Variants in MRPS18A observed in about 807,000 individuals in gnomAD.
MRPS18A encodes large ribosomal subunit protein mL66.
Under a neutral mutation model 22.7 loss-of-function variants are expected in MRPS18A, and 20 were observed. The observed-to-expected ratio is 0.88, with a 90% CI of 0.62 to 1.28. MRPS18A has a LOEUF of 1.28. Ranked by LOEUF, MRPS18A falls within the 50% of genes most tolerant of loss-of-function variation. The pLI is 0.00. For synonymous variants in MRPS18A, 106 were observed against 99.1 expected (o/e 1.07, Z -0.41); for missense variants, 294 against 262.6 (o/e 1.12, Z -0.83).
chr6:43,679,173 C>A (rs148359388), intron 2 of MRPS18A, among the ~76,000 whole-genome samples: 2 of 152,298 alleles, frequency 1.3e-5, no homozygotes, highest in African/African-American at 4.8e-5. Context: ...CCCCAGGGGA[C>A]ATCTGGCAAT....
intron 2 of MRPS18A, 148 bp downstream of exon 2, chr6:43,680,941 A>G: frequency 1.4e-6 from 1 of 698,388 alleles, no homozygotes. Flanking sequence ...ACACAGCTTG[A>G]AAAATAGTAG....
chr6:43,679,998 A>G (rs1267985044), intron 2 of MRPS18A, among the ~76,000 whole-genome samples: 1 of 152,166 alleles, frequency 6.6e-6, no homozygotes, highest in Non-Finnish European at 1.5e-5. Context: ...AGGGGAGAGA[A>G]TAATATCCAG....
intron 4 of MRPS18A, 65 bp from the exon 5 acceptor site, chr6:43,675,336 G>A: frequency 1.3e-6 from 2 of 1,571,872 alleles, no homozygotes; most frequent in South Asian, 1.2e-5. Flanking sequence ...GGGCCAGAGG[G>A]AAAGCCCAAG....
intron 3 of MRPS18A, 24 bp downstream of exon 3, chr6:43,678,494 G>T (rs374851569): frequency 2.6e-5 from 40 of 1,525,298 alleles, no homozygotes; most frequent in Non-Finnish European, 3.5e-5. Context: ...ACACAGAACC[G>T]AGTGTCTCTG....
chr6:43,674,638 A>G (rs1459735235), intron 5 of MRPS18A, among the ~76,000 whole-genome samples: 1 of 152,334 alleles, frequency 6.6e-6, no homozygotes, highest in Non-Finnish European at 1.5e-5. Context: ...GAAGGCAGAC[A>G]AAGTGATTCC....
At chr6:43,682,676 A>G (rs1774483228) in intron 1 of MRPS18A, among the ~76,000 whole-genome samples, 1 of 152,246 alleles carries the variant, frequency 6.6e-6, no homozygotes, top group African/African-American at 2.4e-5. Flanking sequence ...TGTACAGAAC[A>G]CAGACCAACC....
chr6:43,687,331 A>C (rs978340461), intron 1 of MRPS18A, among the ~76,000 whole-genome samples: 3 of 152,242 alleles, frequency 2.0e-5, no homozygotes, highest in Admixed American at 6.5e-5. Context: ...CTTTAATAAA[A>C]GAGACTGCGA....
intron 3 of MRPS18A, 71 bp downstream of exon 3, chr6:43,678,447 T>C: frequency 8.6e-7 from 1 of 1,157,296 alleles, no homozygotes; most frequent in Non-Finnish European, 1.3e-6. Flanking sequence ...GGGGACATGC[T>C]GCTCCAGTTA....
chr6:43,684,729 T>C (rs1774596097), intron 1 of MRPS18A, among the ~76,000 whole-genome samples: 2 of 152,216 alleles, frequency 1.3e-5, no homozygotes, highest in African/African-American at 2.4e-5. Flanking sequence ...TCTGAAACGT[T>C]AGGTCTTCCA....
intron 2 of MRPS18A, among the ~76,000 whole-genome samples, chr6:43,679,686 C>G (rs976085744): frequency 4.6e-5 from 7 of 152,056 alleles, no homozygotes; most frequent in African/African-American, 1.7e-4. Context: ...AACACTGTCT[C>G]CTGGGGGAGA....
chr6:43,671,698 T>C lies in MRPS18A; in HGVS notation c.*64A>G. On this transcript the variant is annotated 3_prime_UTR_variant, in exon 6 of 6. Coordinates refer to ENST00000372133, the MANE Select transcript of MRPS18A (RefSeq NM_018135.4). ...CAGGAGTATAGTTGTGGCCAAGGGC[T>C]TGTGAGTGGGCCTCCTACTCCCCAG... The C allele has an allele frequency of 1.3e-6, 2 of 1,597,072 alleles. No homozygotes were observed. The highest frequency in any genetic ancestry group is 1.7e-6 in the Non-Finnish European group (2 of 1,165,938).
At chr6:43,678,230 G>A (rs191734056) in intron 3 of MRPS18A, among the ~76,000 whole-genome samples, 2 of 152,252 alleles carry the variant, frequency 1.3e-5, no homozygotes, top group East Asian at 1.9e-4. Flanking sequence ...CTAGGCTACC[G>A]AAGATGGTGA....
At position 43,671,222 on chromosome 6, in the gene MRPS18A, G is replaced by A. The variant is rs1195275672; in HGVS notation, c.*540C>T. 3 of 562,434 alleles carry A rather than the reference G, an allele frequency of 5.3e-6. No individual in the cohort carries two copies. Among genetic ancestry groups the A allele is most frequent in the Non-Finnish European group, 9.5e-6 (3 of 315,280 alleles). The allele number at this position is 562,434 out of a possible 1,614,324, so 34.8% of individuals were successfully genotyped here. The stretch of plus-strand genomic sequence containing the variant: ...GCCCCTTTGAGGAACGCAGTTTCTT[G>A]GATTCACACGAGAGCGGCAAGTGTG... On this transcript the variant is annotated 3_prime_UTR_variant, in exon 6 of 6. Coordinates refer to ENST00000372133, the MANE Select transcript of MRPS18A (RefSeq NM_018135.4).
chr6:43,671,806 C>G lies in MRPS18A; in HGVS notation c.547G>C (p.Asp183His). 1 of 1,614,226 alleles carries G rather than the reference C, an allele frequency of 6.2e-7. No individual in the cohort carries two copies. The highest frequency in any genetic ancestry group is 1.1e-5 in the South Asian group (1 of 91,086). Residue 183 changes from aspartate (D) to histidine (H), a missense_variant, in exon 6 of 6, where the codon GAC (aspartate) becomes CAC (histidine). Physicochemically the swap from Asp to His is moderately conservative, Grantham distance 81. Transcript: ENST00000372133. ...GGTGTTCTTGAGTAGCAGACATTGT[C>G]CCTCAGAAGGGGTGACCCCACGGGC... ...RMPVGSPLLRDNVCYSRTPWK... is the reference protein window; with the variant it reads ...RMPVGSPLLRHNVCYSRTPWK...
In MRPS18A at chr6:43,675,496, G is replaced by A. The variant is rs2127944173; in HGVS notation, c.374C>T (p.Ala125Val). 1 of 1,614,172 alleles carries A rather than the reference G, an allele frequency of 6.2e-7. No homozygotes were observed. Among genetic ancestry groups the A allele is most frequent in the East Asian group, 2.2e-5 (1 of 44,878 alleles). The change falls in exon 4 of 6, where the codon GCA becomes GTA. Residue 125 changes from alanine (A) to valine (V), a missense_variant and splice_region_variant. Transcript: ENST00000372133. ...TCTTGGTCCCCAGGGCCTTCTACCT[G>A]CTCGGTGGGCCATCTTCACACACTC... ...IEECVKMAHR[A>V]GLLPNHRPRL... is the part of the protein sequence containing the mutation.
intron 3 of MRPS18A, among the ~76,000 whole-genome samples, chr6:43,678,154 G>A (rs1400430974): frequency 6.6e-6 from 1 of 152,052 alleles, no homozygotes; most frequent in Non-Finnish European, 1.5e-5. Context: ...AGAACCACGG[G>A]AGAGCATTGA....
At chr6:43,675,761 T>A in intron 3 of MRPS18A, 144 bp from the exon 4 acceptor site, 1 of 950,954 alleles carries the variant, frequency 1.1e-6, no homozygotes, top group Non-Finnish European at 1.5e-6. Context: ...GCTTTGCACA[T>A]GGGTCTGCTA....
rs1386379882 is a variant in MRPS18A at position 43,681,816 on chromosome 6, T to G, written c.113-696A>C. ...TCCAAACAGAGAGGGACACCCTCAG[T>G]GCTTTGCCTATTTAGGTGAGGCAGT... On this transcript the variant is annotated intron_variant, in intron 1 of 5. Transcript: ENST00000372133. Among the ~76,000 whole-genome samples the G allele has an allele frequency of 2.0e-5, 3 of 152,228 alleles. No homozygotes were observed. The East Asian group carries it at 5.8e-4, about 29-fold the overall frequency.
At position 43,687,783 on chromosome 6, in the gene MRPS18A, C is replaced by T. The variant is rs551206492; in HGVS notation, c.-4G>A. On this transcript the variant is annotated 5_prime_UTR_variant, in exon 1 of 6. Coordinates refer to ENST00000372133, the MANE Select transcript of MRPS18A (RefSeq NM_018135.4). ...CCAGAGCCTTGAGGGCCGCCATCTTCAAAAACCTACCCTGACCTCTCGTCC... is the reference window on the plus strand; with the variant it reads ...CCAGAGCCTTGAGGGCCGCCATCTTTAAAAACCTACCCTGACCTCTCGTCC... The T allele has an allele frequency of 1.0e-4, 162 of 1,563,386 alleles. No individual in the cohort carries two copies. The highest frequency in any genetic ancestry group is 1.0e-3 in the Middle Eastern group (6 of 6,004).
Sources: allele counts gnomAD v4.1 joint callset (sites outside exome capture counted in the v4.1 genomes callset), GRCh38; gene constraint gnomAD v4.1.1; transcripts MANE v1.5; gene names NCBI Gene and HGNC (gene_info 2026-07-23, HGNC 2026-07-21).